The following LOC122539214 variants were observed in gnomAD, a reference collection of about 807,000 sequenced individuals.
chr19:52,676,663 T>C, the LOC122539214 span, among the ~76,000 whole-genome samples: 3 of 139,808 alleles, frequency 2.1e-5, no homozygotes, highest in Non-Finnish European at 4.8e-5. Flanking sequence ...AGGATGACAA[T>C]GGCGGCTTTG....
At chr19:52,664,572 C>G in the LOC122539214 span, among the ~76,000 whole-genome samples, 3 of 152,230 alleles carry the variant, frequency 2.0e-5, no homozygotes, top group African/African-American at 7.2e-5. Flanking sequence ...TTAACACGAA[C>G]TTTTAAGTCC....
At chr19:52,684,604 G>A in the LOC122539214 span, among the ~76,000 whole-genome samples, 2 of 151,418 alleles carry the variant, frequency 1.3e-5, no homozygotes, top group Admixed American at 1.3e-4. Flanking sequence ...GATTGATGCA[G>A]AGATAATAAA....
the LOC122539214 span, chr19:52,652,820 C>T: frequency 1.3e-5 from 12 of 924,374 alleles, no homozygotes; most frequent in South Asian, 1.1e-4. Flanking sequence ...TAAGGATTTT[C>T]TCCAGTATGA....
At chr19:52,683,290 G>A in the LOC122539214 span, among the ~76,000 whole-genome samples, 16 of 149,418 alleles carry the variant, frequency 1.1e-4, no homozygotes, top group African/African-American at 2.7e-4. Context: ...GTATGCTCAC[G>A]TGTTGTGACA....
At chr19:52,679,361 A>T in the LOC122539214 span, among the ~76,000 whole-genome samples, 3 of 152,236 alleles carry the variant, frequency 2.0e-5, no homozygotes, top group African/African-American at 7.2e-5. Flanking sequence ...CTGTAATCCC[A>T]GCACTTTGGG....
At chr19:52,687,653 ATATAATGTATATATATATAT>A in the LOC122539214 span, among the ~76,000 whole-genome samples, 1 of 25,578 alleles carries the variant, frequency 3.9e-5, no homozygotes, top group African/African-American at 4.4e-4. Context: ...ATATATATAT[ATATAATGTATATATATATAT>A]AACTAGCCGG....
chr19:52,680,855 G>A, the LOC122539214 span, among the ~76,000 whole-genome samples: 9,598 of 148,740 alleles, frequency 0.065, 377 homozygotes, highest in Non-Finnish European at 0.091. Flanking sequence ...CTCGTGATCC[G>A]CCCGCCTCGG....
the LOC122539214 span, chr19:52,652,200 A>G: frequency 1.8e-5 from 4 of 217,668 alleles, no homozygotes; most frequent in South Asian, 2.7e-4. Context: ...GCACTTTGGG[A>G]GGCCGAGGCA....
chr19:52,660,920 A>G, the LOC122539214 span: 1 of 153,230 alleles, frequency 6.5e-6, no homozygotes, highest in Non-Finnish European at 1.5e-5. Context: ...GATGGGGTTC[A>G]GTGACATGAT....
chr19:52,675,950 G>A, the LOC122539214 span, among the ~76,000 whole-genome samples: 70 of 152,122 alleles, frequency 4.6e-4, no homozygotes, highest in Non-Finnish European at 7.4e-4. Flanking sequence ...CCACCACTTT[G>A]GGAGGCCGAT....
At chr19:52,671,890 T>C in the LOC122539214 span, among the ~76,000 whole-genome samples, 1 of 152,210 alleles carries the variant, frequency 6.6e-6, no homozygotes, top group Non-Finnish European at 1.5e-5. Context: ...TAAGAATACA[T>C]TGCAGTCAAG....
At chr19:52,652,938 T>C in the LOC122539214 span, 1 of 1,210,004 alleles carries the variant, frequency 8.3e-7, no homozygotes. Flanking sequence ...ATACAAAGGA[T>C]GACATATGAC....
At chr19:52,666,390 C>G in the LOC122539214 span, among the ~76,000 whole-genome samples, 3 of 151,958 alleles carry the variant, frequency 2.0e-5, no homozygotes, top group African/African-American at 7.3e-5. Flanking sequence ...CTATAACACT[C>G]CAATACCACC....
At chr19:52,673,292 G>C in the LOC122539214 span, among the ~76,000 whole-genome samples, 2 of 152,290 alleles carry the variant, frequency 1.3e-5, no homozygotes, top group East Asian at 3.9e-4. Context: ...ATCCCCTGAG[G>C]TCAAGAGTTC....
the LOC122539214 span, among the ~76,000 whole-genome samples, chr19:52,688,263 C>T: frequency 8.6e-5 from 13 of 151,940 alleles, no homozygotes; most frequent in South Asian, 2.1e-4. Context: ...CTGGACCTCC[C>T]GAGCTCAAGT....
chr19:52,677,732 G>T, the LOC122539214 span, among the ~76,000 whole-genome samples: 1 of 151,896 alleles, frequency 6.6e-6, no homozygotes, highest in African/African-American at 2.4e-5. Context: ...GGTAGAGATC[G>T]GTTTGTGAAA....
chr19:52,689,068 TGA>T, the LOC122539214 span, among the ~76,000 whole-genome samples: 2 of 152,184 alleles, frequency 1.3e-5, no homozygotes, highest in Admixed American at 1.3e-4. Context: ...GTTTTTCCTT[TGA>T]TGCAGCTACA....
chr19:52,652,564 T>C, the LOC122539214 span: 1 of 434,628 alleles, frequency 2.3e-6, no homozygotes, highest in Non-Finnish European at 4.6e-6. Context: ...TTTGTAACGT[T>C]TCTTTCCAGT....
the LOC122539214 span, among the ~76,000 whole-genome samples, chr19:52,682,460 C>T: frequency 2.0e-5 from 3 of 152,036 alleles, no homozygotes; most frequent in South Asian, 4.2e-4. Flanking sequence ...ATCACAAGGT[C>T]AGGAGTTCAA....
Sources: gnomAD v4.1 joint callset for allele counts (sites outside exome capture counted in the v4.1 genomes callset) on GRCh38, gnomAD v4.1.1 for gene constraint, MANE v1.5 for transcripts.